The following CD8A variants were observed in gnomAD, a reference collection of about 807,000 sequenced individuals.
The protein encoded by CD8A is T-cell surface glycoprotein CD8 alpha chain.
A neutral mutation model predicts 24.2 loss-of-function variants in CD8A; 25 were observed. The observed-to-expected ratio is 1.03, with a 90% CI of 0.75 to 1.44. The LOEUF (loss-of-function observed/expected upper bound fraction) is 1.44. Among genes scored for constraint, CD8A ranks in the 40% most tolerant of loss-of-function variants. The pLI, the probability that CD8A is intolerant of heterozygous loss-of-function variation, is 0.00. For synonymous variants in CD8A, 165 were observed against 149.9 expected (o/e 1.10, Z -0.74); for missense variants, 360 against 319.7 (o/e 1.13, Z -0.96).
rs1672961675 is a variant in CD8A at position 86,785,538 on chromosome 2, CTT to C, written c.*380_*381del. 1 of 477,290 alleles carries C rather than the reference CTT, an allele frequency of 2.1e-6. No individual in the cohort carries two copies. Among genetic ancestry groups the C allele is most frequent in the Admixed American group, 2.3e-5 (1 of 43,190 alleles). The allele number at this position is 477,290 out of a possible 1,614,324, so 29.6% of individuals were successfully genotyped here. A position where few individuals can be genotyped will look rare whatever the true frequency, so the allele number is the denominator to read the frequency against. ...GCTCCAACCCTGACTTGCTGTGTGC[CTT>C]TGATCAAGCTGTCTCTGGGCTTTAG... On this transcript the variant is annotated 3_prime_UTR_variant, in exon 6 of 6. Coordinates refer to ENST00000283635, the MANE Select transcript of CD8A (RefSeq NM_001768.7).
upstream of CD8A, among the ~76,000 whole-genome samples, chr2:86,795,681 A>G (rs924530214): frequency 6.6e-6 from 1 of 152,112 alleles, no homozygotes; most frequent in Admixed American, 6.6e-5. Flanking sequence ...CTTTGCCTAT[A>G]GAGGAAGGCT....
chr2:86,789,800 CGCCCCA>C, intron 2 of CD8A, 50 bp from the exon 3 acceptor site: 1 of 1,047,820 alleles, frequency 9.5e-7, no homozygotes, highest in Non-Finnish European at 1.2e-6. Flanking sequence ...GTTATGGAGG[CGCCCCA>C]GCCCCGGCCT....
At chr2:86,795,195 G>T (rs1199517873), upstream of CD8A, among the ~76,000 whole-genome samples, 1 of 152,174 alleles carries the variant, frequency 6.6e-6, no homozygotes, top group Non-Finnish European at 1.5e-5. Context: ...CAAACAGAGG[G>T]CTTGGCACAC....
chr2:86,801,819 A>C (rs1480025107), intron 2 of CD8A, among the ~76,000 whole-genome samples: 1 of 152,236 alleles, frequency 6.6e-6, no homozygotes, highest in African/African-American at 2.4e-5. Context: ...AGCAATCAAT[A>C]AATAAAATAA....
In CD8A at chr2:86,789,640, C is replaced by T; in HGVS notation, c.514G>A (p.Val172Met). 1 of 1,483,692 alleles carries T rather than the reference C, an allele frequency of 6.7e-7. No homozygotes were observed. 91.9% of individuals were successfully genotyped at this position (1,483,692 alleles called of 1,614,324 possible). A position where few individuals can be genotyped will look rare whatever the true frequency, so the allele number is the denominator to read the frequency against. ...CGCCCCGGGCCCCCGCACGCCTCAC[C>T]TGCGCCCCCCGCCGCTGGCCGGCAC... ...EACRPAAGGA[V>M]HTRGLDFACD... Residue 172 changes from valine (V) to methionine (M), a missense_variant and splice_region_variant, in exon 3 of 6, where the codon GTG (valine) becomes ATG (methionine). Val to Met is a conservative substitution (Grantham distance 21). Transcript: ENST00000283635.
chr2:86,799,065 T>C (rs1673576829), intron 3 of CD8A, among the ~76,000 whole-genome samples: 1 of 152,254 alleles, frequency 6.6e-6, no homozygotes. Context: ...CACAGTTTCA[T>C]GTTCAGTGGT....
At chr2:86,789,605 G>T in intron 3 of CD8A, 35 bp downstream of exon 3, 1 of 1,437,578 alleles carries the variant, frequency 7.0e-7, no homozygotes. Flanking sequence ...CCCGCGGTGC[G>T]TGCCGCCCCC....
chr2:86,806,451 C>G (rs939751402), intron 2 of CD8A, among the ~76,000 whole-genome samples: 1 of 152,216 alleles, frequency 6.6e-6, no homozygotes, highest in African/African-American at 2.4e-5. Flanking sequence ...CCTCCTTGTC[C>G]TTGGCCTGCA....
chr2:86,795,854 G>T (rs1007545911), upstream of CD8A, among the ~76,000 whole-genome samples: 1 of 152,078 alleles, frequency 6.6e-6, no homozygotes, highest in Admixed American at 6.6e-5. Flanking sequence ...GAGAGGAAGA[G>T]ATTTTCAAAA....
Position 86,787,035 on chromosome 2 carries a change from A to AAG in CD8A, c.657-1065_657-1064insCT, listed in dbSNP as rs1282311115. On this transcript the variant is annotated intron_variant, in intron 5 of 5. Coordinates refer to ENST00000283635, the MANE Select transcript of CD8A (RefSeq NM_001768.7). ...ACTCCGTCTCAAAAAAAAAAAAAAA[A>AAG]AAAAAGAAAAGAAAAGAAAAGAAAA... 1.8e-3 allele frequency among the ~76,000 whole-genome samples: 255 copies of AAG among 145,630 alleles called. 2 individuals carry two copies. Among genetic ancestry groups the AAG allele is most frequent in the African/African-American group, 6.1e-3 (244 of 39,938 alleles).
In CD8A at chr2:86,788,516, C is replaced by T. The variant is rs1382139648; in HGVS notation, c.656+14G>A. The T allele has an allele frequency of 1.9e-6, 3 of 1,576,710 alleles. No individual in the cohort carries two copies. In the Admixed American group the frequency reaches 5.1e-5, roughly 27 times the overall value. ...CTGGCCAAGGTGAGCAGGCTGAGTT[C>T]AAAAGAGACTCACCGGGGACATTTG... On this transcript the variant is annotated intron_variant, in intron 5 of 5. Coordinates refer to ENST00000283635, the MANE Select transcript of CD8A (RefSeq NM_001768.7).
Position 86,785,571 on chromosome 2 carries a change from C to G in CD8A, c.*349G>C, listed in dbSNP as rs758052519. ...AAGCTGTCTCTGGGCTTTAGCCTCC[C>G]CCTTTGTAAAACGGGCGGGGAAGAG... On this transcript the variant is annotated 3_prime_UTR_variant, in exon 6 of 6. Coordinates refer to ENST00000283635, the MANE Select transcript of CD8A (RefSeq NM_001768.7). 1.4e-5 allele frequency: 7 copies of G among 515,706 alleles called. No individual in the cohort carries two copies. Among genetic ancestry groups the G allele is most frequent in the Non-Finnish European group, 2.2e-5 (6 of 267,308 alleles). The allele number at this position is 515,706 out of a possible 1,614,324, so 31.9% of individuals were successfully genotyped here. A position where few individuals can be genotyped will look rare whatever the true frequency, so the allele number is the denominator to read the frequency against.
chr2:86,797,330 A>C (rs777280304), intron 3 of CD8A, among the ~76,000 whole-genome samples: 2 of 152,216 alleles, frequency 1.3e-5, no homozygotes, highest in Non-Finnish European at 2.9e-5. Flanking sequence ...CTCGTATTGA[A>C]GAGCAGGAAA....
intron 5 of CD8A, 90 bp downstream of exon 5, chr2:86,788,440 G>A (rs1041768000): frequency 1.9e-6 from 2 of 1,065,872 alleles, no homozygotes; most frequent in African/African-American, 3.1e-5. Context: ...CCTCTCTCTG[G>A]GAAAAGTTCC....
At position 86,790,484 on chromosome 2, in the gene CD8A, C is replaced by T. The variant is rs750058603; in HGVS notation, c.247G>A (p.Gly83Arg). The change falls in exon 2 of 6, where the codon GGG (glycine) becomes AGG (arginine). Residue 83 changes from glycine to arginine, a missense_variant. By Grantham distance (125) the Gly-to-Arg change is moderately radical. Coordinates refer to ENST00000283635, the MANE Select transcript of CD8A (RefSeq NM_001768.7). The stretch of plus-strand genomic sequence containing the variant: ...CCCGAGAACCGCTGGGTGTCCAGCC[C>T]CTCGGCCGCCTTGGGCTTGTTTTGG... ...LSQNKPKAAE[G>R]LDTQRFSGKR... 3.1e-6 allele frequency: 5 copies of T among 1,613,996 alleles called. No homozygotes were observed. In the African/African-American group the frequency reaches 6.7e-5, roughly 22 times the overall value.
chr2:86,789,701 G>T lies in CD8A; in HGVS notation c.453C>A (p.Thr151=). 2 of 1,393,710 alleles carry T rather than the reference G, an allele frequency of 1.4e-6. No homozygotes were observed. Among genetic ancestry groups the T allele is most frequent in the Non-Finnish European group, 9.2e-7 (1 of 1,081,244 alleles). 86.3% of individuals were successfully genotyped at this position (1,393,710 alleles called of 1,614,324 possible). A position where few individuals can be genotyped will look rare whatever the true frequency, so the allele number is the denominator to read the frequency against. Residue 151 remains threonine (T), a synonymous_variant, in exon 3 of 6, where the codon ACC becomes ACA. Coordinates refer to ENST00000283635, the MANE Select transcript of CD8A (RefSeq NM_001768.7). ...GCAGGGACAGGGGCTGCGACGCGAT[G>T]GTGGGCGCCGGTGTTGGTGGTCGCG... ...PAPRPPTPAP[T]IASQPLSLRP...
Position 86,785,579 on chromosome 2 carries a change from A to G in CD8A, c.*341T>C. 1 of 527,292 alleles carries G rather than the reference A, an allele frequency of 1.9e-6. No individual in the cohort carries two copies. The highest frequency in any genetic ancestry group is 3.6e-6 in the Non-Finnish European group (1 of 274,710). 32.7% of individuals were successfully genotyped at this position (527,292 alleles called of 1,614,324 possible). On this transcript the variant is annotated 3_prime_UTR_variant, in exon 6 of 6. Coordinates refer to ENST00000283635, the MANE Select transcript of CD8A (RefSeq NM_001768.7). ...TCTGGGCTTTAGCCTCCCCCTTTGT[A>G]AAACGGGCGGGGAAGAGGTTGAGAT... is the stretch of plus-strand genomic sequence containing the variant.
At chr2:86,791,012 C>G (rs567647961), upstream of CD8A, 63 of 737,550 alleles carry the variant, frequency 8.5e-5, no homozygotes, top group African/African-American at 9.7e-4. Context: ...TCGCGGTTGT[C>G]GCCTTCCAGC....
intron 2 of CD8A, among the ~76,000 whole-genome samples, chr2:86,806,914 T>C (rs757973511): frequency 1.5e-4 from 23 of 152,078 alleles, no homozygotes; most frequent in Non-Finnish European, 3.4e-4. Flanking sequence ...AGTTTCTATT[T>C]TGGGTAAATC....
Sources: gnomAD v4.1 joint callset for allele counts (sites outside exome capture counted in the v4.1 genomes callset) on GRCh38, gnomAD v4.1.1 for gene constraint, MANE v1.5 for transcripts, NCBI Gene and HGNC (gene_info 2026-07-23, HGNC 2026-07-21) for gene names.